The following NTN1 variants were observed in gnomAD, a reference collection of about 807,000 sequenced individuals.
NTN1 encodes the protein netrin-1.
NTN1 carries 11 observed loss-of-function variants against 54.2 expected under a neutral mutation model. The ratio of observed to expected loss-of-function variants is 0.20; its 90% CI spans 0.13 to 0.34. The LOEUF (loss-of-function observed/expected upper bound fraction) is 0.34. NTN1 is among the 10% of genes least tolerant of loss of function. The pLI, the probability that NTN1 is intolerant of heterozygous loss-of-function variation, is 1.00. For synonymous variants in NTN1, 371 were observed against 382.0 expected, an observed-to-expected ratio of 0.97 and a Z score of 0.33; for missense variants, 740 against 893.1, an observed-to-expected ratio of 0.83 and a Z score of 2.18.
At chr17:9,048,679 C>T (rs144889630) in intron 2 of NTN1, among the ~76,000 whole-genome samples, 1,523 of 150,818 alleles carry the variant, frequency 0.01, 27 homozygotes, top group African/African-American at 0.033. Context: ...TTTTTTGAGA[C>T]AGAGTCTTGC....
chr17:9,084,322 G>A (rs2092083174), intron 2 of NTN1, among the ~76,000 whole-genome samples: 1 of 152,190 alleles, frequency 6.6e-6, no homozygotes, highest in Non-Finnish European at 1.5e-5. Flanking sequence ...GATAGCCAGA[G>A]AAAAATTCCA....
chr17:9,003,776 A>G, the NTN1 span, among the ~76,000 whole-genome samples: 1 of 152,182 alleles, frequency 6.6e-6, no homozygotes, highest in African/African-American at 2.4e-5. The surrounding 1 kb of genome is among the most constrained non-coding windows in gnomAD (Gnocchi z 7.4). Flanking sequence ...TAATGGGTGC[A>G]TTCATCCCCC....
rs2092369956 is a variant in NTN1, at chr17:9,165,041, G to A, written c.1207+2040G>A. Among the ~76,000 whole-genome samples the A allele has an allele frequency of 6.6e-6, 1 of 152,180 alleles. No homozygotes were observed. The highest frequency in any genetic ancestry group is 6.5e-5 in the Admixed American group (1 of 15,276). On this transcript the variant is annotated intron_variant, in intron 3 of 6. Coordinates refer to ENST00000173229, the MANE Select transcript of NTN1 (RefSeq NM_004822.3). This position sits in a 1 kb window ranked among gnomAD's most constrained non-coding sequence, Gnocchi z 4.5. ...AGAAGAAATGGAGGCCAGGGGTCTT[G>A]TAAACAGCTGGCTTGCACATAGATT...
intron 2 of NTN1, among the ~76,000 whole-genome samples, chr17:9,140,456 T>G (rs776556429): frequency 3.3e-5 from 5 of 152,222 alleles, no homozygotes; most frequent in Non-Finnish European, 5.9e-5. Context: ...TGGCATTTGT[T>G]GAGTTCCCCA....
intron 2 of NTN1, among the ~76,000 whole-genome samples, chr17:9,084,657 T>G (rs1205303570): frequency 7.0e-6 from 1 of 143,288 alleles, no homozygotes; most frequent in African/African-American, 2.6e-5. Flanking sequence ...TTTTTTTTTT[T>G]TTTTTTTTTT....
intron 2 of NTN1, among the ~76,000 whole-genome samples, chr17:9,063,399 A>T (rs994542277): frequency 1.3e-5 from 2 of 151,450 alleles, no homozygotes; most frequent in Non-Finnish European, 2.9e-5. Context: ...CTCCCAGCCC[A>T]TTAATGACTT....
At chr17:9,174,302 A>G (rs1311994730) in intron 3 of NTN1, 1 of 152,390 alleles carries the variant, frequency 6.6e-6, no homozygotes, top group Non-Finnish European at 1.5e-5. Context: ...AGGGGATGAA[A>G]GAGCTGATTG....
At chr17:9,044,781 A>T (rs1165154528) in intron 2 of NTN1, among the ~76,000 whole-genome samples, 1 of 152,136 alleles carries the variant, frequency 6.6e-6, no homozygotes, top group Non-Finnish European at 1.5e-5. Flanking sequence ...ATGTAACTCG[A>T]TCTTCCACAG....
chr17:9,190,713 A>G (rs144230780), intron 5 of NTN1, among the ~76,000 whole-genome samples: 121 of 152,272 alleles, frequency 7.9e-4, no homozygotes, highest in African/African-American at 2.7e-3. Flanking sequence ...TGAGCTGGAC[A>G]TGGTAGTGAG....
intron 2 of NTN1, among the ~76,000 whole-genome samples, chr17:9,098,826 A>G (rs2092140261): frequency 6.6e-6 from 1 of 152,154 alleles, no homozygotes; most frequent in Non-Finnish European, 1.5e-5. Context: ...AACCTCTAAT[A>G]CTCATTTTCT....
chr17:9,090,462 C>T (rs1035090619), intron 2 of NTN1, among the ~76,000 whole-genome samples: 1 of 152,160 alleles, frequency 6.6e-6, no homozygotes, highest in Non-Finnish European at 1.5e-5. Context: ...GTGTGAGCCA[C>T]CGCGCCTGGC....
At chr17:9,233,878 CAG>C (rs1169260757) in intron 6 of NTN1, among the ~76,000 whole-genome samples, 1 of 152,180 alleles carries the variant, frequency 6.6e-6, no homozygotes, top group African/African-American at 2.4e-5. Flanking sequence ...TCCCAGGGGA[CAG>C]GGCTGGTCTC....
At chr17:9,115,887 T>A (rs1307570509) in intron 2 of NTN1, among the ~76,000 whole-genome samples, 1 of 152,224 alleles carries the variant, frequency 6.6e-6, no homozygotes, top group Admixed American at 6.5e-5. Context: ...AGGAAGGGAT[T>A]TCGTGTTTCT....
At chr17:9,112,077 C>T (rs2092193271) in intron 2 of NTN1, among the ~76,000 whole-genome samples, 3 of 152,230 alleles carry the variant, frequency 2.0e-5, no homozygotes, top group Admixed American at 2.0e-4. Context: ...GAAGATGCCT[C>T]TTGGGTGAAC....
intron 2 of NTN1, among the ~76,000 whole-genome samples, chr17:9,034,046 T>C (rs2091895886): frequency 6.6e-6 from 1 of 152,090 alleles, no homozygotes; most frequent in Non-Finnish European, 1.5e-5. Flanking sequence ...TTAGGGACAA[T>C]GGTGAGAGAA....
At chr17:9,041,253 A>G (rs1394846222) in intron 2 of NTN1, among the ~76,000 whole-genome samples, 1 of 152,182 alleles carries the variant, frequency 6.6e-6, no homozygotes, top group Non-Finnish European at 1.5e-5. Context: ...GGTTTTTAGT[A>G]TGTTCGTCGA....
intron 5 of NTN1, among the ~76,000 whole-genome samples, chr17:9,220,570 G>A (rs1225807709): frequency 6.6e-6 from 1 of 152,122 alleles, no homozygotes; most frequent in African/African-American, 2.4e-5. Context: ...CCCAGTGGAC[G>A]CAGGCCTAGC....
intron 2 of NTN1, among the ~76,000 whole-genome samples, chr17:9,091,264 A>G (rs1052165534): frequency 6.6e-6 from 1 of 152,054 alleles, no homozygotes; most frequent in East Asian, 1.9e-4. Context: ...ATTTTTCTCT[A>G]TGTTTTAGAG....
At chr17:9,154,766 A>G (rs1385478486) in intron 2 of NTN1, among the ~76,000 whole-genome samples, 1 of 152,230 alleles carries the variant, frequency 6.6e-6, no homozygotes, top group East Asian at 1.9e-4. Flanking sequence ...GACTACCTCA[A>G]ACTCTTAAAA....
Sources: gnomAD v4.1 joint callset for allele counts (sites outside exome capture counted in the v4.1 genomes callset) on GRCh38, gnomAD v4.1.1 for gene constraint, Gnocchi (gnomAD v3.1) non-coding constraint, MANE v1.5 for transcripts, NCBI Gene and HGNC (gene_info 2026-07-23, HGNC 2026-07-21) for gene names.